The following NFIX variants were observed in gnomAD, a reference collection of about 807,000 sequenced individuals.
NFIX encodes the protein nuclear factor 1 X-type.
NFIX carries 2 observed loss-of-function variants against 53.3 expected under a neutral mutation model. That is an observed-to-expected ratio of 0.04 (90% CI 0.02 to 0.12). The LOEUF (loss-of-function observed/expected upper bound fraction) is 0.12, where lower values mean the gene tolerates loss of function less well. NFIX is among the 10% of genes least tolerant of loss of function. The probability of loss-of-function intolerance (pLI) is 1.00; values close to 1 mark genes in which losing one functional copy is unlikely to be tolerated. For missense variants in NFIX, 310 were observed against 674.5 expected, an observed-to-expected ratio of 0.46 and a Z score of 5.99; for synonymous variants, 244 against 289.0, an observed-to-expected ratio of 0.84 and a Z score of 1.58.
At chr19:13,000,768 T>G (rs1393427269) in intron 1 of NFIX, among the ~76,000 whole-genome samples, 3 of 152,210 alleles carry the variant, frequency 2.0e-5, no homozygotes, top group African/African-American at 7.2e-5. Context: ...CGTTGTCACC[T>G]GGACCCGCCA....
rs2012570150 is a variant in NFIX, at chr19:13,014,892, G to A, written c.28-10129G>A. On this transcript the variant is annotated intron_variant, in intron 1 of 10. Coordinates refer to ENST00000592199, the MANE Select transcript of NFIX (RefSeq NM_001365902.3). The surrounding 1 kb of genome is among the most constrained non-coding windows in gnomAD (Gnocchi z 4.4). ...GTGGTAGGGGGCTGGTGGTAGGCGA[G>A]GTGGCTGCGGTGGCCCTTCCGCCAG... is the stretch of plus-strand genomic sequence containing the variant. 6.6e-6 allele frequency among the ~76,000 whole-genome samples: 1 copy of A among 152,220 alleles called. No individual in the cohort carries two copies. The highest frequency in any genetic ancestry group is 6.5e-5 in the Admixed American group (1 of 15,280).
At chr19:13,000,836 A>G (rs536730603) in intron 1 of NFIX, among the ~76,000 whole-genome samples, 1 of 152,220 alleles carries the variant, frequency 6.6e-6, no homozygotes, top group African/African-American at 2.4e-5. Flanking sequence ...ATCAGGGCAC[A>G]TTGCGGGTGG....
At chr19:13,019,723 G>GTTTTTTTTT (rs1414490273) in intron 1 of NFIX, among the ~76,000 whole-genome samples, 1 of 115,822 alleles carries the variant, frequency 8.6e-6, no homozygotes, top group African/African-American at 3.4e-5. Context: ...TTTTTTTTTT[G>GTTTTTTTTT]TTTGTTTGTT....
chr19:13,048,057 C>T (rs189171164), intron 2 of NFIX, among the ~76,000 whole-genome samples: 5 of 152,288 alleles, frequency 3.3e-5, no homozygotes, highest in Middle Eastern at 3.4e-3. Context: ...CCAGTGAACT[C>T]GGCACTTTTA....
rs1354018785 is a variant in NFIX, at chr19:12,996,650, G to C, written c.27+786G>C. Among the ~76,000 whole-genome samples, 2 of 152,192 alleles carry C rather than the reference G, an allele frequency of 1.3e-5. No homozygotes were observed. The highest frequency in any genetic ancestry group is 2.9e-5 in the Non-Finnish European group (2 of 68,022). ...CTTTCTGGCCCCAGCGACCCGGGCT[G>C]CTGCGGAGTGGACCCGGCAGGCCTG... On this transcript the variant is annotated intron_variant, in intron 1 of 10. Coordinates refer to ENST00000592199, the MANE Select transcript of NFIX (RefSeq NM_001365902.3). This position sits in a 1 kb window ranked among gnomAD's most constrained non-coding sequence, Gnocchi z 5.2.
rs937375358 is a variant in NFIX at position 13,040,410 on chromosome 19, C to G, written c.559+14858C>G. Among the ~76,000 whole-genome samples, 2 of 152,374 alleles carry G rather than the reference C, an allele frequency of 1.3e-5. No individual in the cohort carries two copies. Among genetic ancestry groups the G allele is most frequent in the East Asian group, 3.9e-4 (2 of 5,182 alleles). ...GCCAAACTCACTCGTGACAGGGTCT[C>G]TTCCCGTGCCAGATCTTCCCTGCCA... On this transcript the variant is annotated intron_variant, in intron 2 of 10. Transcript: ENST00000592199. The surrounding 1 kb of genome is among the most constrained non-coding windows in gnomAD (Gnocchi z 4.2).
At position 13,078,318 on chromosome 19, in the gene NFIX, A is replaced by C. The variant is rs1482598592; in HGVS notation, c.956-295A>C. ...CACTTCATTACCTGCTTGCCAGGGC[A>C]TAGGCTGGGGCCCTTGCTCACCCCC... On this transcript the variant is annotated intron_variant, in intron 6 of 10. Transcript: ENST00000592199. This position sits in a 1 kb window ranked among gnomAD's most constrained non-coding sequence, Gnocchi z 4.7. Among the ~76,000 whole-genome samples, 1 of 152,136 alleles carries C rather than the reference A, an allele frequency of 6.6e-6. No homozygotes were observed. Among genetic ancestry groups the C allele is most frequent in the Non-Finnish European group, 1.5e-5 (1 of 68,014 alleles).
At chr19:13,026,786 C>T (rs887191003) in intron 2 of NFIX, among the ~76,000 whole-genome samples, 2 of 151,452 alleles carry the variant, frequency 1.3e-5, no homozygotes, top group African/African-American at 4.9e-5. Context: ...TCCACCATTC[C>T]AGTATTTTTT....
In NFIX at chr19:13,096,544, G is replaced by C. The variant is rs1019633665; in HGVS notation, c.*1895G>C. Reference sequence around the variant, plus strand: ...TGCAGCCCTAGAGGACCCCAGGGCTGAGGGGCAGTGGATCCTGCGGGAGTC... The same window carrying C: ...TGCAGCCCTAGAGGACCCCAGGGCTCAGGGGCAGTGGATCCTGCGGGAGTC... On this transcript the variant is annotated 3_prime_UTR_variant, in exon 11 of 11. Transcript: ENST00000592199. 1 of 152,098 alleles carries C rather than the reference G, an allele frequency of 6.6e-6. No homozygotes were observed. Among genetic ancestry groups the C allele is most frequent in the African/African-American group, 2.4e-5 (1 of 41,434 alleles). 9.4% of individuals were successfully genotyped at this position (152,098 alleles called of 1,614,324 possible). A position where few individuals can be genotyped will look rare whatever the true frequency, so the allele number is the denominator to read the frequency against.
At position 13,066,719 on chromosome 19, in the gene NFIX, C is replaced by T. The variant is rs1471780700; in HGVS notation, c.560-6328C>T. Among the ~76,000 whole-genome samples the T allele has an allele frequency of 6.6e-6, 1 of 152,096 alleles. No homozygotes were observed. Among genetic ancestry groups the T allele is most frequent in the Non-Finnish European group, 1.5e-5 (1 of 68,010 alleles). ...AAAACCTGCCACCTCAGGATGACTCCAGGATGTGTGTGTGCATGTGTGTGT... is the reference window on the plus strand; with the variant it reads ...AAAACCTGCCACCTCAGGATGACTCTAGGATGTGTGTGTGCATGTGTGTGT... On this transcript the variant is annotated intron_variant, in intron 2 of 10. Coordinates refer to ENST00000592199, the MANE Select transcript of NFIX (RefSeq NM_001365902.3). This position sits in a 1 kb window ranked among gnomAD's most constrained non-coding sequence, Gnocchi z 4.2.
At chr19:13,041,887 CTTGT>C (rs576842548) in intron 2 of NFIX, among the ~76,000 whole-genome samples, 50 of 148,112 alleles carry the variant, frequency 3.4e-4, no homozygotes, top group Middle Eastern at 3.4e-3. Context: ...TTTTCTTTTT[CTTGT>C]TTGTTTGTTT....
chr19:13,075,763 G>A, intron 6 of NFIX, 92 bp downstream of exon 6: 1 of 1,460,452 alleles, frequency 6.8e-7, no homozygotes, highest in South Asian at 1.3e-5. Context: ...CCCACCAGTT[G>A]TCCCCCTGTC....
chr19:13,027,661 T>C lies in NFIX; in HGVS notation c.559+2109T>C, dbSNP rs1249718258. ...TATTTTAGGCCGAATTCTTGACTGC[T>C]GCCAGTGTGGGGCTAAGGTAGGATG... On this transcript the variant is annotated intron_variant, in intron 2 of 10. Transcript: ENST00000592199. The surrounding 1 kb of genome is among the most constrained non-coding windows in gnomAD (Gnocchi z 4.3). Among the ~76,000 whole-genome samples the C allele has an allele frequency of 6.6e-6, 1 of 152,226 alleles. No homozygotes were observed. Among genetic ancestry groups the C allele is most frequent in the African/African-American group, 2.4e-5 (1 of 41,444 alleles).
At chr19:13,091,317 C>A (rs963786843) in intron 10 of NFIX, among the ~76,000 whole-genome samples, 1 of 148,766 alleles carries the variant, frequency 6.7e-6, no homozygotes, top group Non-Finnish European at 1.5e-5. Context: ...GTTCTGGGGC[C>A]TGAGTCCAGA....
At chr19:13,008,772 C>A (rs2012164396) in intron 1 of NFIX, among the ~76,000 whole-genome samples, 1 of 152,170 alleles carries the variant, frequency 6.6e-6, no homozygotes, top group Non-Finnish European at 1.5e-5. Context: ...CAAACCCCAG[C>A]AAGAAGCTGG....
intron 2 of NFIX, among the ~76,000 whole-genome samples, chr19:13,026,149 T>C (rs2013327747): frequency 6.6e-6 from 1 of 152,182 alleles, no homozygotes; most frequent in African/African-American, 2.4e-5. Flanking sequence ...GGAGCTGTTT[T>C]GGCTGGGATT....
At chr19:13,061,486 GTCGCTGGCCGCGCCCCGCC>G (rs1415873683) in intron 2 of NFIX, among the ~76,000 whole-genome samples, 1 of 152,196 alleles carries the variant, frequency 6.6e-6, no homozygotes, top group African/African-American at 2.4e-5. Flanking sequence ...CTCTGGGCCG[GTCGCTGGCCGCGCCCCGCC>G]GCAGCCCTCG....
intron 1 of NFIX, among the ~76,000 whole-genome samples, chr19:13,010,995 T>C (rs1251152717): frequency 1.3e-5 from 2 of 152,208 alleles, no homozygotes; most frequent in African/African-American, 4.8e-5. Flanking sequence ...TACCTTTATA[T>C]ATACTTTTTA....
At position 13,006,861 on chromosome 19, in the gene NFIX, C is replaced by T. The variant is rs1045008658; in HGVS notation, c.27+10997C>T. Among the ~76,000 whole-genome samples, 5 of 152,212 alleles carry T rather than the reference C, an allele frequency of 3.3e-5. No homozygotes were observed. The highest frequency in any genetic ancestry group is 5.9e-5 in the Non-Finnish European group (4 of 68,036). ...CAGCCTGGTGGCATTTGGTTTGGCG[C>T]CCTGCCTGCCTGCCACCCCCACCCC... On this transcript the variant is annotated intron_variant, in intron 1 of 10. Coordinates refer to ENST00000592199, the MANE Select transcript of NFIX (RefSeq NM_001365902.3). This position sits in a 1 kb window ranked among gnomAD's most constrained non-coding sequence, Gnocchi z 5.6.
Sources: allele counts gnomAD v4.1 joint callset (sites outside exome capture counted in the v4.1 genomes callset), GRCh38; gene constraint gnomAD v4.1.1; non-coding constraint Gnocchi (gnomAD v3.1); transcripts MANE v1.5; gene names NCBI Gene and HGNC (gene_info 2026-07-23, HGNC 2026-07-21).